MEMO1: variants seen among roughly 807,000 people sequenced by gnomAD.
MEMO1 encodes the protein mediator of cell motility 1.
A neutral mutation model predicts 45.2 loss-of-function variants in MEMO1; 6 were observed. The observed-to-expected ratio is 0.13, with a 90% CI of 0.07 to 0.26. The LOEUF (loss-of-function observed/expected upper bound fraction) is 0.26. Among genes scored for constraint, MEMO1 ranks in the 10% least tolerant of loss-of-function variants. MEMO1 has a pLI of 1.00. For missense variants in MEMO1, 184 were observed against 370.5 expected, an observed-to-expected ratio of 0.50 and a Z score of 4.13; for synonymous variants, 78 against 124.3, an observed-to-expected ratio of 0.63 and a Z score of 2.48.
intron 7 of MEMO1, among the ~76,000 whole-genome samples, chr2:31,883,762 A>AC (rs1401897346): frequency 1.3e-5 from 2 of 152,242 alleles, no homozygotes; most frequent in Admixed American, 1.3e-4. Context: ...AAGCATTGTT[A>AC]AACATTTTAT....
At chr2:31,954,685 T>C (rs759441829) in intron 2 of MEMO1, among the ~76,000 whole-genome samples, 23 of 151,934 alleles carry the variant, frequency 1.5e-4, no homozygotes, top group Non-Finnish European at 3.1e-4. Flanking sequence ...AGATAAAAAA[T>C]TAGCTGGGCA....
intron 2 of MEMO1, among the ~76,000 whole-genome samples, chr2:31,949,513 G>A (rs1485738749): frequency 1.3e-5 from 2 of 151,844 alleles, no homozygotes; most frequent in Non-Finnish European, 2.9e-5. Context: ...GACAAACAAT[G>A]CATGTTCTCA....
chr2:31,884,449 A>C (rs1183786337), intron 7 of MEMO1, among the ~76,000 whole-genome samples: 1 of 152,198 alleles, frequency 6.6e-6, no homozygotes, highest in Non-Finnish European at 1.5e-5. Flanking sequence ...CTTGTGCTTC[A>C]CGTTCAGAGC....
At chr2:31,973,087 G>A (rs768965038) in intron 2 of MEMO1, among the ~76,000 whole-genome samples, 16 of 152,170 alleles carry the variant, frequency 1.1e-4, no homozygotes, top group Non-Finnish European at 1.8e-4. Flanking sequence ...GGAAAAGTTT[G>A]TCAGTTCCTA....
At chr2:31,936,625 C>A (rs927883409) in intron 3 of MEMO1, among the ~76,000 whole-genome samples, 3 of 152,172 alleles carry the variant, frequency 2.0e-5, no homozygotes, top group African/African-American at 7.2e-5. Flanking sequence ...CACACAGCAA[C>A]CTTCCAATGT....
intron 4 of MEMO1, among the ~76,000 whole-genome samples, chr2:31,921,768 T>A (rs1469012199): frequency 3.9e-5 from 6 of 152,136 alleles, no homozygotes; most frequent in Non-Finnish European, 8.8e-5. Context: ...GAAAAAGGCA[T>A]CTTGTTGAAA....
intron 2 of MEMO1, among the ~76,000 whole-genome samples, chr2:32,005,933 T>C (rs1674012132): frequency 6.6e-6 from 1 of 152,058 alleles, no homozygotes; most frequent in South Asian, 2.1e-4. Context: ...TTCTTGGAGG[T>C]GTTAACACTT....
intron 6 of MEMO1, among the ~76,000 whole-genome samples, chr2:31,892,695 C>T (rs997409992): frequency 8.5e-5 from 13 of 152,144 alleles, no homozygotes; most frequent in African/African-American, 2.9e-4. Context: ...ACAAGACAGT[C>T]TGAAATACAA....
At chr2:32,000,855 T>A (rs1459723593) in intron 2 of MEMO1, among the ~76,000 whole-genome samples, 1 of 151,960 alleles carries the variant, frequency 6.6e-6, no homozygotes, top group Non-Finnish European at 1.5e-5. Flanking sequence ...TTTTCCTTAC[T>A]TTATCCATCA....
At chr2:31,897,130 A>G (rs539790865) in intron 6 of MEMO1, among the ~76,000 whole-genome samples, 32 of 152,334 alleles carry the variant, frequency 2.1e-4, no homozygotes, top group Non-Finnish European at 4.3e-4. Flanking sequence ...GGCTGAGACA[A>G]TGGGATTTTC....
At chr2:31,872,740 C>T (rs1673967611) in intron 8 of MEMO1, among the ~76,000 whole-genome samples, 1 of 152,042 alleles carries the variant, frequency 6.6e-6, no homozygotes, top group Non-Finnish European at 1.5e-5. Context: ...TTAAAGTGGG[C>T]TATAAACTTA....
At chr2:32,001,070 GCT>G (rs1431423768) in intron 2 of MEMO1, among the ~76,000 whole-genome samples, 1 of 119,926 alleles carries the variant, frequency 8.3e-6, no homozygotes, top group Non-Finnish European at 1.6e-5. Context: ...CAGGAGTCTC[GCT>G]CTCTCACCCA....
intron 4 of MEMO1, among the ~76,000 whole-genome samples, chr2:31,924,564 C>T (rs753087346): frequency 6.6e-6 from 1 of 152,012 alleles, no homozygotes; most frequent in Non-Finnish European, 1.5e-5. Context: ...TTCACATTTG[C>T]AATGATAGTC....
At chr2:31,948,154 G>A (rs191425356) in intron 2 of MEMO1, among the ~76,000 whole-genome samples, 4 of 152,136 alleles carry the variant, frequency 2.6e-5, no homozygotes, top group Non-Finnish European at 5.9e-5. Flanking sequence ...CATGGAATTC[G>A]CAAATCCATA....
intron 8 of MEMO1, among the ~76,000 whole-genome samples, chr2:31,879,110 C>T (rs1016088189): frequency 5.3e-5 from 8 of 152,144 alleles, no homozygotes; most frequent in African/African-American, 1.9e-4. Flanking sequence ...TTAAACATTG[C>T]TCCTTTCTGT....
At chr2:31,979,657 T>A (rs189507219) in intron 2 of MEMO1, among the ~76,000 whole-genome samples, 86 of 152,172 alleles carry the variant, frequency 5.7e-4, no homozygotes, top group African/African-American at 2.0e-3. Flanking sequence ...ATCCCAATTT[T>A]TTAAAAATAA....
At chr2:31,947,815 G>A (rs893998894) in intron 2 of MEMO1, among the ~76,000 whole-genome samples, 8 of 151,326 alleles carry the variant, frequency 5.3e-5, no homozygotes, top group South Asian at 2.1e-4. Context: ...CACTAAATAC[G>A]CACACACACA....
At chr2:31,979,259 C>G (rs1670370844) in intron 2 of MEMO1, among the ~76,000 whole-genome samples, 2 of 152,192 alleles carry the variant, frequency 1.3e-5, no homozygotes, top group African/African-American at 4.8e-5. Flanking sequence ...CCAGGTCTCT[C>G]CCTCAACGCC....
chr2:31,984,581 G>A lies in MEMO1; in HGVS notation c.61+25606C>T, dbSNP rs542735452. On this transcript the variant is annotated intron_variant, in intron 2 of 9. Transcript: ENST00000404530. ...TCTCAGCACTTTGGGAGGCCAAGGC[G>A]GGCGATAACGAGGTCAAGAGCCATC... is the stretch of plus-strand genomic sequence containing the variant. 1.6e-3 allele frequency among the ~76,000 whole-genome samples: 237 copies of A among 152,256 alleles called. 1 individual carries two copies. Among genetic ancestry groups the A allele is most frequent in the African/African-American group, 5.4e-3 (223 of 41,550 alleles).
Sources: gnomAD v4.1 joint callset for allele counts (sites outside exome capture counted in the v4.1 genomes callset) on GRCh38, gnomAD v4.1.1 for gene constraint, MANE v1.5 for transcripts, NCBI Gene and HGNC (gene_info 2026-07-23, HGNC 2026-07-21) for gene names.